SLAMF7: variants seen among roughly 807,000 people sequenced by gnomAD.
The protein encoded by SLAMF7 is SLAM family member 7, also known as 19A24 protein.
A neutral mutation model predicts 34.1 loss-of-function variants in SLAMF7; 26 were observed. The observed-to-expected ratio is 0.76, with a 90% CI of 0.56 to 1.06. The LOEUF (loss-of-function observed/expected upper bound fraction) is 1.06. Ranked by LOEUF, SLAMF7 falls within the 50% of genes least tolerant of loss-of-function variation. The pLI is 0.00. For synonymous variants in SLAMF7, 171 were observed against 156.4 expected (o/e 1.09, Z -0.70); for missense variants, 399 against 402.5 (o/e 0.99, Z 0.07).
rs755459128 is a variant in SLAMF7, at chr1:160,750,102, C to A, written c.649+9C>A. ...CAGGAAGCTCTGTGAAGGTGACTGC[C>A]TCTCCCCTCTCCACAGGAGACTCTG... On this transcript the variant is annotated intron_variant, in intron 3 of 6. Transcript: ENST00000368043. 5.6e-6 allele frequency: 9 copies of A among 1,612,162 alleles called. No individual in the cohort carries two copies. Among genetic ancestry groups the A allele is most frequent in the Non-Finnish European group, 7.6e-6 (9 of 1,179,046 alleles).
chr1:160,748,936 A>G (rs1318265569), intron 2 of SLAMF7, among the ~76,000 whole-genome samples: 1 of 152,238 alleles, frequency 6.6e-6, no homozygotes, highest in Non-Finnish European at 1.5e-5. Context: ...AATAGATGCA[A>G]GAAGGAGGGG....
Position 160,748,254 on chromosome 1 carries a change from T to TC in SLAMF7, c.121dup (p.Leu41ProfsTer9). The TC allele has an allele frequency of 6.2e-7, 1 of 1,614,008 alleles. No homozygotes were observed. Among genetic ancestry groups the TC allele is most frequent in the African/African-American group, 1.3e-5 (1 of 74,994 alleles). ...GGTTCCGTTGGTGGGGCCGTGACTTTCCCCCTGAAGTCCAAAGTAAAGCAA... is the reference window on the plus strand; with the variant it reads ...GGTTCCGTTGGTGGGGCCGTGACTTTCCCCCCTGAAGTCCAAAGTAAAGCAA... On this transcript the variant is annotated frameshift_variant, in exon 2 of 7. Transcript: ENST00000368043. LOFTEE classifies it high-confidence loss of function.
chr1:160,742,317 C>T (rs924681873), intron 1 of SLAMF7, among the ~76,000 whole-genome samples: 1 of 152,196 alleles, frequency 6.6e-6, no homozygotes, highest in African/African-American at 2.4e-5. Context: ...GACAAAGGGT[C>T]TCCTGCCCCA....
rs772639308 is a variant in SLAMF7, at chr1:160,753,226, G to A, written c.*49G>A. The A allele has an allele frequency of 1.6e-5, 23 of 1,479,612 alleles. No homozygotes were observed. Among genetic ancestry groups the A allele is most frequent in the South Asian group, 3.5e-5 (3 of 85,534 alleles). 91.7% of individuals were successfully genotyped at this position (1,479,612 alleles called of 1,614,324 possible). Reference sequence around the variant, plus strand: ...TCTGCTCAAAAAAAAAACAATTCTCGGCCCAAAGAAAACAATCAGAAGAAT... The same window carrying A: ...TCTGCTCAAAAAAAAAACAATTCTCAGCCCAAAGAAAACAATCAGAAGAAT... On this transcript the variant is annotated 3_prime_UTR_variant, in exon 7 of 7. Coordinates refer to ENST00000368043, the MANE Select transcript of SLAMF7 (RefSeq NM_021181.5).
chr1:160,743,483 C>T (rs973518741), intron 1 of SLAMF7, among the ~76,000 whole-genome samples: 4 of 152,172 alleles, frequency 2.6e-5, no homozygotes, highest in Non-Finnish European at 4.4e-5. Flanking sequence ...CATGTGACAC[C>T]CCTGAACTAA....
chr1:160,751,780 A>G (rs1318916611), intron 5 of SLAMF7: 2 of 163,966 alleles, frequency 1.2e-5, no homozygotes, highest in Non-Finnish European at 2.5e-5. Context: ...CTTTGACAGG[A>G]TGTTTGAATC....
At position 160,753,157 on chromosome 1, in the gene SLAMF7, G is replaced by T; in HGVS notation, c.988G>T (p.Ala330Ser). 6.2e-7 allele frequency: 1 copy of T among 1,613,098 alleles called. No individual in the cohort carries two copies. The highest frequency in any genetic ancestry group is 8.5e-7 in the Non-Finnish European group (1 of 1,179,916). ...LTMPDTPRLF[A>S]YENVI ...GATGCCAGACACACCAAGGCTATTT[G>T]CCTATGAGAATGTTATCTAGACAGC... Residue 330 changes from alanine (A) to serine (S), a missense_variant, in exon 7 of 7, where the codon GCC (alanine) becomes TCC (serine). Ala to Ser is a moderately conservative substitution (Grantham distance 99). Transcript: ENST00000368043.
At position 160,748,433 on chromosome 1, in the gene SLAMF7, G is replaced by A. The variant is rs1276152598; in HGVS notation, c.295G>A (p.Asp99Asn). The A allele has an allele frequency of 6.2e-7, 1 of 1,613,942 alleles. No homozygotes were observed. The highest frequency in any genetic ancestry group is 8.5e-7 in the Non-Finnish European group (1 of 1,179,970). Residue 99 changes from aspartate (D) to asparagine (N), a missense_variant, in exon 2 of 7, where the codon GAC (aspartate) becomes AAC (asparagine). Transcript: ENST00000368043. ...GAAGCTCAGCAAACTGAAGAAGAATGACTCAGGGATCTACTATGTGGGGAT... is the reference window on the plus strand; with the variant it reads ...GAAGCTCAGCAAACTGAAGAAGAATAACTCAGGGATCTACTATGTGGGGAT... ...SLKLSKLKKN[D>N]SGIYYVGIYS...
At position 160,753,165 on chromosome 1, in the gene SLAMF7, G is replaced by C. The variant is rs762004821; in HGVS notation, c.996G>C (p.Glu332Asp). 6.2e-6 allele frequency: 10 copies of C among 1,612,336 alleles called. No homozygotes were observed. In the South Asian group the frequency reaches 9.9e-5, roughly 16 times the overall value. The part of the protein sequence containing the change: ...MPDTPRLFAY[E>D]NVI ...ACACACCAAGGCTATTTGCCTATGA[G>C]AATGTTATCTAGACAGCAGTGCACT... Residue 332 changes from glutamate (E) to aspartate (D), a missense_variant, in exon 7 of 7, where the codon GAG becomes GAC. Coordinates refer to ENST00000368043, the MANE Select transcript of SLAMF7 (RefSeq NM_021181.5).
At chr1:160,752,967 C>A in intron 6 of SLAMF7, 139 bp from the exon 7 acceptor site, 1 of 683,256 alleles carries the variant, frequency 1.5e-6, no homozygotes, top group South Asian at 1.7e-5. Flanking sequence ...TGATTAAAAT[C>A]AAACAGTGGG....
chr1:160,751,917 T>C lies in SLAMF7; in HGVS notation c.874-269T>C, dbSNP rs1299929832. On this transcript the variant is annotated intron_variant, in intron 5 of 6. Transcript: ENST00000368043. The stretch of plus-strand genomic sequence containing the variant: ...ATATATATATACACACACATATATA[T>C]ATAATATTTTTGAAATTCATTTTAA... 8 of 178,606 alleles carry C rather than the reference T, an allele frequency of 4.5e-5. No homozygotes were observed. In the South Asian group the frequency reaches 9.4e-4, roughly 21 times the overall value. The allele number at this position is 178,606 out of a possible 1,614,324, so 11.1% of individuals were successfully genotyped here. A position where few individuals can be genotyped will look rare whatever the true frequency, so the allele number is the denominator to read the frequency against.
chr1:160,746,455 T>A (rs1664137917), intron 1 of SLAMF7, among the ~76,000 whole-genome samples: 1 of 152,198 alleles, frequency 6.6e-6, no homozygotes, highest in Non-Finnish European at 1.5e-5. Context: ...TTAATAAAAA[T>A]TCCATTTAAA....
At chr1:160,739,210 C>T (rs1663533859), upstream of SLAMF7, 2 of 1,159,606 alleles carry the variant, frequency 1.7e-6, no homozygotes, top group African/African-American at 3.0e-5. Context: ...CGTGACCCCT[C>T]CTGCTTCTTT....
At chr1:160,748,826 C>T (rs1664332502) in intron 2 of SLAMF7, among the ~76,000 whole-genome samples, 2 of 152,150 alleles carry the variant, frequency 1.3e-5, no homozygotes, top group South Asian at 4.1e-4. Context: ...GTCTTAGTTT[C>T]CATATCTGTA....
intron 4 of SLAMF7, 30 bp downstream of exon 4, chr1:160,750,453 C>G (rs2101678919): frequency 6.2e-7 from 1 of 1,606,242 alleles, no homozygotes; most frequent in Non-Finnish European, 8.5e-7. Context: ...TGTCCTCACC[C>G]ACATTCATGT....
chr1:160,740,050 T>C (rs921303256), intron 1 of SLAMF7, among the ~76,000 whole-genome samples: 4 of 152,112 alleles, frequency 2.6e-5, no homozygotes, highest in African/African-American at 9.7e-5. Context: ...CATGGAGTAC[T>C]ACCATGAGGT....
chr1:160,748,097 A>T, intron 1 of SLAMF7, 97 bp from the exon 2 acceptor site: 7 of 1,240,072 alleles, frequency 5.6e-6, no homozygotes, highest in Non-Finnish European at 7.8e-6. Context: ...TGTTGGACTG[A>T]GTGGGTTTCT....
At chr1:160,750,479 A>G (rs1664484341) in intron 4 of SLAMF7, 56 bp downstream of exon 4, 4 of 1,587,538 alleles carry the variant, frequency 2.5e-6, no homozygotes, top group Non-Finnish European at 3.4e-6. Flanking sequence ...TCCTTCACTG[A>G]TTCAACAAGC....
chr1:160,748,412 C>G lies in SLAMF7; in HGVS notation c.274C>G (p.Leu92Val). Reference protein sequence around the residue: ...DFPDGGYSLKLSKLKKNDSGI... With the variant: ...DFPDGGYSLKVSKLKKNDSGI... ...CCCAGATGGAGGCTACTCCCTGAAGCTCAGCAAACTGAAGAAGAATGACTC... is the reference window on the plus strand; with the variant it reads ...CCCAGATGGAGGCTACTCCCTGAAGGTCAGCAAACTGAAGAAGAATGACTC... Residue 92 changes from leucine (L) to valine (V), a missense_variant, in exon 2 of 7, where the codon CTC (leucine) becomes GTC (valine). Coordinates refer to ENST00000368043, the MANE Select transcript of SLAMF7 (RefSeq NM_021181.5). 2 of 1,614,096 alleles carry G rather than the reference C, an allele frequency of 1.2e-6. No homozygotes were observed. The highest frequency in any genetic ancestry group is 1.7e-6 in the Non-Finnish European group (2 of 1,179,978).
Sources: allele counts gnomAD v4.1 joint callset (sites outside exome capture counted in the v4.1 genomes callset), GRCh38; gene constraint gnomAD v4.1.1; transcripts MANE v1.5; gene names NCBI Gene and HGNC (gene_info 2026-07-23, HGNC 2026-07-21).